The following SGSM2 variants were observed in gnomAD, a reference collection of about 807,000 sequenced individuals.
SGSM2 encodes RUN and TBC1 domain containing 1.
SGSM2 carries 89 observed loss-of-function variants against 126.6 expected under a neutral mutation model. That is an observed-to-expected ratio of 0.70 (90% confidence interval 0.59 to 0.84). The LOEUF (loss-of-function observed/expected upper bound fraction) is 0.84. Ranked by LOEUF, SGSM2 falls within the 40% of genes least tolerant of loss-of-function variation. The probability of loss-of-function intolerance (pLI) is 0.00; values close to 1 mark genes in which losing one functional copy is unlikely to be tolerated. For synonymous variants in SGSM2, 614 were observed against 574.3 expected, an observed-to-expected ratio of 1.07 and a Z score of -0.99; for missense variants, 1,404 against 1,416.6, an observed-to-expected ratio of 0.99 and a Z score of 0.14.
intron 17 of SGSM2, 33 bp from the exon 18 acceptor site, chr17:2,375,459 T>G (rs1597391982): frequency 6.4e-7 from 1 of 1,571,872 alleles, no homozygotes; most frequent in Non-Finnish European, 8.6e-7. Context: ...GGTGCTGGAG[T>G]GCAGGTGGAG....
At chr17:2,354,591 T>C (rs1805375285) in intron 2 of SGSM2, among the ~76,000 whole-genome samples, 1 of 152,198 alleles carries the variant, frequency 6.6e-6, no homozygotes, top group African/African-American at 2.4e-5. Flanking sequence ...TTTGCTGTTA[T>C]AACTAAATAA....
intron 17 of SGSM2, chr17:2,373,719 A>G (rs1279043256): frequency 1.7e-6 from 1 of 582,388 alleles, no homozygotes; most frequent in African/African-American, 1.9e-5. Flanking sequence ...GAATAAAGTG[A>G]GAGAGTGCAT....
chr17:2,359,700 C>CCCCGG (rs1451992520), intron 2 of SGSM2, among the ~76,000 whole-genome samples: 2 of 152,290 alleles, frequency 1.3e-5, no homozygotes, highest in Admixed American at 1.3e-4. Flanking sequence ...CTCCCCAGTC[C>CCCCGG]CCACGGCCTG....
In SGSM2 at chr17:2,337,945, G is replaced by A. The variant is rs972233465; in HGVS notation, c.57+200G>A. Among the ~76,000 whole-genome samples the A allele has an allele frequency of 2.6e-5, 4 of 151,998 alleles. No individual in the cohort carries two copies. The highest frequency in any genetic ancestry group is 2.1e-4 in the South Asian group (1 of 4,836). On this transcript the variant is annotated intron_variant, in intron 1 of 23. Coordinates refer to ENST00000268989, the MANE Select transcript of SGSM2 (RefSeq NM_014853.3). The surrounding 1 kb of genome is among the most constrained non-coding windows in gnomAD (Gnocchi z 5.1). ...CCCCTCTGCCCGGGGGACCCGGCCG[G>A]CGCTCCCGGCTTGTTTGCTTCGCAG...
chr17:2,362,386 A>G lies in SGSM2; in HGVS notation c.458+116A>G, dbSNP rs1307547837. ...GACCGCCCCGTTCCCCAAAAACTGC[A>G]GGTGACCGCCCCGTTCCCCCCAAAA... On this transcript the variant is annotated intron_variant, in intron 4 of 23. Transcript: ENST00000268989. The surrounding 1 kb of genome is among the most constrained non-coding windows in gnomAD (Gnocchi z 4.9). 8 of 1,072,740 alleles carry G rather than the reference A, an allele frequency of 7.5e-6. No homozygotes were observed. In the African/African-American group the frequency reaches 1.5e-4, roughly 20 times the overall value. The allele number at this position is 1,072,740 out of a possible 1,614,324, so 66.5% of individuals were successfully genotyped here. A position where few individuals can be genotyped will look rare whatever the true frequency, so the allele number is the denominator to read the frequency against.
intron 18 of SGSM2, 69 bp from the exon 19 acceptor site, chr17:2,376,068 C>A: frequency 6.2e-7 from 1 of 1,602,998 alleles, no homozygotes; most frequent in Non-Finnish European, 8.5e-7. Flanking sequence ...TTTCTTGGGG[C>A]GTCACCTCCT....
At chr17:2,354,451 C>T (rs943594971) in intron 2 of SGSM2, among the ~76,000 whole-genome samples, 10 of 152,184 alleles carry the variant, frequency 6.6e-5, no homozygotes, top group African/African-American at 2.2e-4. Flanking sequence ...TTGCTGTTGG[C>T]GAGCTTTCCA....
chr17:2,364,574 C>T, intron 8 of SGSM2, 22 bp from the exon 9 acceptor site: 1 of 1,613,560 alleles, frequency 6.2e-7, no homozygotes, highest in Middle Eastern at 1.6e-4. Context: ...GACACAGTGA[C>T]AGCAGTCTGG....
intron 19 of SGSM2, 139 bp downstream of exon 19, chr17:2,376,400 T>C: frequency 9.5e-7 from 1 of 1,054,526 alleles, no homozygotes; most frequent in Non-Finnish European, 1.4e-6. Context: ...GAACGCTTTT[T>C]TCCTGCACAC....
At chr17:2,349,684 G>A (rs1393693030) in intron 2 of SGSM2, among the ~76,000 whole-genome samples, 3 of 152,154 alleles carry the variant, frequency 2.0e-5, no homozygotes, top group African/African-American at 7.2e-5. Context: ...GAAGCAAGAT[G>A]GTCGTGACTT....
At position 2,373,006 on chromosome 17, in the gene SGSM2, C is replaced by T. The variant is rs150812956; in HGVS notation, c.1842C>T (p.His614=). 233 of 1,596,270 alleles carry T rather than the reference C, an allele frequency of 1.5e-4. No individual in the cohort carries two copies. The highest frequency in any genetic ancestry group is 4.2e-4 in the South Asian group (37 of 88,286). Residue 614 remains histidine, a synonymous_variant, in exon 16 of 24, where the codon CAC becomes CAT. Transcript: ENST00000268989. ...AAGTTTACTACGGAGGCATAGAGCA[C>T]GAGATCCGCAAGGACGTCTGGCCCT... ...LRQVYYGGIE[H]EIRKDVWPFL... is the part of the protein sequence containing the mutation.
intron 11 of SGSM2, 123 bp downstream of exon 11, chr17:2,365,464 C>T: frequency 8.6e-7 from 1 of 1,168,778 alleles, no homozygotes; most frequent in Non-Finnish European, 1.2e-6. Context: ...ACACCAGAGG[C>T]TCATCGCCTA....
At chr17:2,339,350 C>G (rs991744480) in intron 1 of SGSM2, among the ~76,000 whole-genome samples, 1 of 152,000 alleles carries the variant, frequency 6.6e-6, no homozygotes, top group African/African-American at 2.4e-5. Flanking sequence ...GCAGGAGAAT[C>G]GCTTGAACCC....
intron 9 of SGSM2, 71 bp from the exon 10 acceptor site, chr17:2,364,826 G>T (rs2065482000): frequency 1.3e-6 from 2 of 1,584,382 alleles, no homozygotes; most frequent in Admixed American, 1.7e-5. Context: ...TACCCAGCCT[G>T]GGGGCACTGG....
chr17:2,353,923 T>C (rs2064981297), intron 2 of SGSM2, among the ~76,000 whole-genome samples: 1 of 152,206 alleles, frequency 6.6e-6, no homozygotes, highest in African/African-American at 2.4e-5. Context: ...TTTGGTTGTT[T>C]TTTGAGACAG....
At chr17:2,357,241 C>G (rs551765529) in intron 2 of SGSM2, among the ~76,000 whole-genome samples, 3 of 152,020 alleles carry the variant, frequency 2.0e-5, no homozygotes, top group Non-Finnish European at 2.9e-5. Context: ...CAGTTATGCT[C>G]CTGCCCACTC....
rs2066364663 is a variant in SGSM2 at position 2,380,394 on chromosome 17, C to T, written c.*874C>T. 1 of 1,247,180 alleles carries T rather than the reference C, an allele frequency of 8.0e-7. No homozygotes were observed. The allele number at this position is 1,247,180 out of a possible 1,614,324, so 77.3% of individuals were successfully genotyped here. ...GGGAAGAATCCGGTCACAGCCTCCCCTCAGAGACAGGCCTCAGTTCGAGGG... is the reference window on the plus strand; with the variant it reads ...GGGAAGAATCCGGTCACAGCCTCCCTTCAGAGACAGGCCTCAGTTCGAGGG... On this transcript the variant is annotated 3_prime_UTR_variant, in exon 24 of 24. Transcript: ENST00000268989.
intron 2 of SGSM2, among the ~76,000 whole-genome samples, chr17:2,360,916 G>A (rs1414231971): frequency 6.6e-6 from 1 of 152,178 alleles, no homozygotes; most frequent in Non-Finnish European, 1.5e-5. Flanking sequence ...CTGTAAAACT[G>A]TTAGTTTGGC....
intron 22 of SGSM2, among the ~76,000 whole-genome samples, chr17:2,378,542 AAG>A (rs2066281297): frequency 6.6e-6 from 1 of 152,062 alleles, no homozygotes; most frequent in Non-Finnish European, 1.5e-5. Context: ...AAAAAAAAAA[AAG>A]AAAAGAAAAG....
Sources: allele counts gnomAD v4.1 joint callset (sites outside exome capture counted in the v4.1 genomes callset), GRCh38; gene constraint gnomAD v4.1.1; non-coding constraint Gnocchi (gnomAD v3.1); transcripts MANE v1.5; gene names NCBI Gene and HGNC (gene_info 2026-07-23, HGNC 2026-07-21).